TCF12: variants seen among roughly 807,000 people sequenced by gnomAD.
TCF12 encodes transcription factor 12, also known as DNA-binding protein HTF4.
A neutral mutation model predicts 86.0 loss-of-function variants in TCF12; 45 were observed. The observed-to-expected ratio is 0.52, with a 90% CI of 0.41 to 0.67. The LOEUF is 0.67. Among genes scored for constraint, TCF12 ranks in the 30% least tolerant of loss-of-function variants. The probability of loss-of-function intolerance (pLI) is 0.00; values close to 1 mark genes in which losing one functional copy is unlikely to be tolerated. For missense variants in TCF12, 881 were observed against 859.9 expected (o/e 1.02, Z -0.31); for synonymous variants, 330 against 299.6 (o/e 1.10, Z -1.05).
chr15:57,033,458 C>T (rs1445181351), intron 3 of TCF12, among the ~76,000 whole-genome samples: 1 of 152,112 alleles, frequency 6.6e-6, no homozygotes, highest in African/African-American at 2.4e-5. Flanking sequence ...ATTGATTTCA[C>T]AGTTAGTAAT....
At chr15:57,064,815 A>G (rs2068739757) in intron 4 of TCF12, among the ~76,000 whole-genome samples, 1 of 135,432 alleles carries the variant, frequency 7.4e-6, no homozygotes, top group African/African-American at 2.9e-5. Context: ...AAAAAAAAAG[A>G]GAGAGAGAGA....
At chr15:56,977,123 G>T (rs1296991057) in intron 3 of TCF12, among the ~76,000 whole-genome samples, 1 of 152,158 alleles carries the variant, frequency 6.6e-6, no homozygotes, top group Non-Finnish European at 1.5e-5. Context: ...TACAAAATGG[G>T]TGACTTAAAA....
chr15:57,240,017 G>A (rs1844088199), intron 12 of TCF12, among the ~76,000 whole-genome samples: 1 of 152,192 alleles, frequency 6.6e-6, no homozygotes, highest in African/African-American at 2.4e-5. Flanking sequence ...GGAAATGAAA[G>A]AATACTGAGA....
intron 5 of TCF12, among the ~76,000 whole-genome samples, chr15:57,092,937 T>G (rs1266336069): frequency 1.4e-4 from 22 of 152,228 alleles, no homozygotes; most frequent in African/African-American, 5.1e-4. Context: ...TAAAATGATT[T>G]GCTTTGCACA....
intron 3 of TCF12, among the ~76,000 whole-genome samples, chr15:56,956,909 A>G (rs190840925): frequency 7.2e-5 from 11 of 152,106 alleles, no homozygotes; most frequent in South Asian, 2.1e-4. Flanking sequence ...TGTGAATGCT[A>G]TGGTTTCAAT....
chr15:57,069,998 T>C (rs1359337167), intron 4 of TCF12, among the ~76,000 whole-genome samples: 1 of 152,240 alleles, frequency 6.6e-6, no homozygotes, highest in Non-Finnish European at 1.5e-5. Context: ...GAGCAAGTTA[T>C]GTGTTTTTAC....
At chr15:56,972,494 TTAAG>T (rs2062388499) in intron 3 of TCF12, among the ~76,000 whole-genome samples, 1 of 152,192 alleles carries the variant, frequency 6.6e-6, no homozygotes, top group Non-Finnish European at 1.5e-5. Context: ...GATTGTGTGA[TTAAG>T]TACAGCAAAC....
intron 3 of TCF12, among the ~76,000 whole-genome samples, chr15:57,007,800 T>TTCTC (rs368627940): frequency 1.0e-3 from 137 of 133,484 alleles, no homozygotes; most frequent in African/African-American, 3.5e-3. Flanking sequence ...CTCTCTTTCT[T>TTCTC]TCTTTCTTTC....
chr15:56,932,656 C>T lies in TCF12; in HGVS notation c.148+11558C>T, dbSNP rs539049259. ...CAATCTCAGCTCACTGCAACCTTTGCCTTCCGGGTTCAAGCGATTTTTGTG... is the reference window on the plus strand; with the variant it reads ...CAATCTCAGCTCACTGCAACCTTTGTCTTCCGGGTTCAAGCGATTTTTGTG... On this transcript the variant is annotated intron_variant, in intron 3 of 20. Coordinates refer to ENST00000333725, the MANE Select transcript of TCF12 (RefSeq NM_207037.2). 3.5e-3 allele frequency among the ~76,000 whole-genome samples: 537 copies of T among 152,098 alleles called. 4 individuals carry two copies. The highest frequency in any genetic ancestry group is 0.012 in the African/African-American group (511 of 41,494).
At chr15:57,094,582 T>G (rs1425206635) in intron 5 of TCF12, among the ~76,000 whole-genome samples, 2 of 152,224 alleles carry the variant, frequency 1.3e-5, no homozygotes, top group African/African-American at 4.8e-5. Context: ...TAAGGGAGTT[T>G]CTGGCTGAAA....
At chr15:57,263,055 TGTAATTCATATATGAGTCTC>T (rs769544325) in intron 17 of TCF12, 37 bp from the exon 18 acceptor site, 10 of 1,544,568 alleles carry the variant, frequency 6.5e-6, no homozygotes, top group Non-Finnish European at 8.7e-6. Flanking sequence ...TTGTCTTAGC[TGTAATTCATATATGAGTCTC>T]GTCTTTTATT....
chr15:56,968,322 T>G (rs1311267304), intron 3 of TCF12, among the ~76,000 whole-genome samples: 1 of 151,914 alleles, frequency 6.6e-6, no homozygotes, highest in Non-Finnish European at 1.5e-5. Context: ...AAAAGCTGGC[T>G]CTCATTATTT....
chr15:57,128,766 A>C (rs2051872307), intron 5 of TCF12, among the ~76,000 whole-genome samples: 1 of 152,212 alleles, frequency 6.6e-6, no homozygotes, highest in Non-Finnish European at 1.5e-5. Context: ...TGGATATTGC[A>C]TATAAATAGA....
intron 3 of TCF12, among the ~76,000 whole-genome samples, chr15:56,995,828 T>C (rs951351810): frequency 1.1e-4 from 17 of 152,170 alleles, no homozygotes; most frequent in Admixed American, 2.6e-4. Flanking sequence ...CAGTACTACA[T>C]TGAATAGAAG....
chr15:57,086,103 A>G (rs1353013525), intron 4 of TCF12, among the ~76,000 whole-genome samples: 3 of 151,918 alleles, frequency 2.0e-5, no homozygotes, highest in Admixed American at 2.0e-4. Flanking sequence ...CCTGCTATGT[A>G]TGTGGCAGGC....
chr15:57,094,398 C>G (rs546988963), intron 5 of TCF12, among the ~76,000 whole-genome samples: 2 of 152,076 alleles, frequency 1.3e-5, no homozygotes, highest in Non-Finnish European at 2.9e-5. Flanking sequence ...ACAATCTGCA[C>G]GACAATAGCT....
intron 5 of TCF12, among the ~76,000 whole-genome samples, chr15:57,164,547 A>G (rs1450556375): frequency 6.6e-6 from 1 of 152,162 alleles, no homozygotes; most frequent in Non-Finnish European, 1.5e-5. Flanking sequence ...AACCGCCTCC[A>G]TGATTCAGTT....
chr15:56,995,150 A>T (rs2063640631), intron 3 of TCF12, among the ~76,000 whole-genome samples: 1 of 151,116 alleles, frequency 6.6e-6, no homozygotes, highest in African/African-American at 2.4e-5. Context: ...CAATGGATAA[A>T]TTAAAAAATA....
At chr15:57,001,419 T>A (rs2141054411) in intron 3 of TCF12, 1 of 179,026 alleles carries the variant, frequency 5.6e-6, no homozygotes, top group Middle Eastern at 2.2e-3. Context: ...GTTCTTCTAC[T>A]TACACCACAT....
Sources: allele counts gnomAD v4.1 joint callset (sites outside exome capture counted in the v4.1 genomes callset), GRCh38; gene constraint gnomAD v4.1.1; transcripts MANE v1.5; gene names NCBI Gene and HGNC (gene_info 2026-07-23, HGNC 2026-07-21).